PCDH15: variants seen among roughly 807,000 people sequenced by gnomAD.
PCDH15 encodes protocadherin-15.
PCDH15 carries 129 observed loss-of-function variants against 178.5 expected under a neutral mutation model. The ratio of observed to expected loss-of-function variants is 0.72; its 90% CI spans 0.63 to 0.84. The LOEUF (loss-of-function observed/expected upper bound fraction) is 0.84. PCDH15 is among the 40% of genes least tolerant of loss of function. The pLI, the probability that PCDH15 is intolerant of heterozygous loss-of-function variation, is 0.00. For missense variants in PCDH15, 2,230 were observed against 2,099.9 expected, an observed-to-expected ratio of 1.06 and a Z score of -1.21; for synonymous variants, 800 against 732.0, an observed-to-expected ratio of 1.09 and a Z score of -1.50.
chr10:53,887,733 C>T (rs368693784), intron 26 of PCDH15, among the ~76,000 whole-genome samples: 2 of 151,956 alleles, frequency 1.3e-5, no homozygotes, highest in Admixed American at 6.5e-5. Flanking sequence ...ACTAAAAATA[C>T]GAAAAATTAG....
intron 3 of PCDH15, among the ~76,000 whole-genome samples, chr10:54,459,593 A>G (rs992987113): frequency 6.6e-6 from 1 of 152,102 alleles, no homozygotes; most frequent in African/African-American, 2.4e-5. Flanking sequence ...ATTGACGTGA[A>G]GTCAGTGTTT....
intron 26 of PCDH15, among the ~76,000 whole-genome samples, chr10:53,881,483 T>C (rs1048682354): frequency 6.6e-6 from 1 of 152,210 alleles, no homozygotes; most frequent in Non-Finnish European, 1.5e-5. Flanking sequence ...GATAAAATTT[T>C]CTTAGCTTAG....
At chr10:54,016,213 A>G (rs2135230856) in intron 20 of PCDH15, among the ~76,000 whole-genome samples, 1 of 152,156 alleles carries the variant, frequency 6.6e-6, no homozygotes, top group African/African-American at 2.4e-5. Flanking sequence ...CAAAACCACA[A>G]TGAGATACCA....
intron 1 of PCDH15, among the ~76,000 whole-genome samples, chr10:55,278,061 G>GA (rs1351145164): frequency 1.3e-5 from 2 of 152,086 alleles, no homozygotes; most frequent in Non-Finnish European, 2.9e-5. Context: ...TGAATGGACA[G>GA]AAAAAGATAC....
chr10:55,240,315 T>G (rs1841507890), intron 1 of PCDH15, among the ~76,000 whole-genome samples: 1 of 152,232 alleles, frequency 6.6e-6, no homozygotes, highest in African/African-American at 2.4e-5. Flanking sequence ...TCATTGATTC[T>G]AAATAATTTT....
intron 2 of PCDH15, among the ~76,000 whole-genome samples, chr10:55,608,038 A>G (rs1232005703): frequency 6.6e-6 from 1 of 152,078 alleles, no homozygotes; most frequent in Non-Finnish European, 1.5e-5. Context: ...AAATGACAGA[A>G]CCTGAGTCTA....
intron 2 of PCDH15, among the ~76,000 whole-genome samples, chr10:55,606,591 T>A (rs938447924): frequency 7.5e-5 from 11 of 147,314 alleles, no homozygotes; most frequent in Admixed American, 1.4e-4. Flanking sequence ...GAAATAATGC[T>A]GCATATCTAC....
chr10:54,701,934 C>A (rs1281100209), intron 1 of PCDH15, among the ~76,000 whole-genome samples: 1 of 152,014 alleles, frequency 6.6e-6, no homozygotes, highest in East Asian at 1.9e-4. Flanking sequence ...GGAACCTGAA[C>A]TTGACACTTA....
intron 18 of PCDH15, among the ~76,000 whole-genome samples, chr10:54,024,994 G>A (rs1016677866): frequency 1.3e-5 from 2 of 151,904 alleles, no homozygotes; most frequent in Non-Finnish European, 2.9e-5. Flanking sequence ...TTCTGTCTAT[G>A]GAATATCTTA....
chr10:55,341,845 T>G (rs1844608293), intron 2 of PCDH15, among the ~76,000 whole-genome samples: 1 of 127,928 alleles, frequency 7.8e-6, no homozygotes, highest in Non-Finnish European at 1.6e-5. Context: ...AGAGATGGGG[T>G]TTCACCATGT....
At chr10:54,377,157 C>T (rs1181625562) in intron 4 of PCDH15, among the ~76,000 whole-genome samples, 1 of 151,966 alleles carries the variant, frequency 6.6e-6, no homozygotes, top group Non-Finnish European at 1.5e-5. Context: ...CATATCAACA[C>T]ACATAAATGC....
At chr10:54,816,096 T>C (rs568962252) in intron 3 of PCDH15, among the ~76,000 whole-genome samples, 1 of 152,218 alleles carries the variant, frequency 6.6e-6, no homozygotes, top group East Asian at 1.9e-4. Flanking sequence ...CAACCATACA[T>C]TGCAAATATT....
At position 54,948,063 on chromosome 10, in the gene PCDH15, T is replaced by C. The variant is rs150809668; in HGVS notation, c.-79-50563A>G. On this transcript the variant is annotated intron_variant, in intron 2 of 5. Transcript: ENST00000458638. ...AGCATATGCAAGTTGATTTCTATCT[T>C]CCTTCCCAGGAATTCTTACTAACTC... 2.6e-5 allele frequency among the ~76,000 whole-genome samples: 4 copies of C among 152,080 alleles called. No individual in the cohort carries two copies. In the East Asian group the frequency reaches 7.7e-4, roughly 29 times the overall value.
chr10:55,198,719 C>T (rs901831205), intron 1 of PCDH15, among the ~76,000 whole-genome samples: 4 of 151,672 alleles, frequency 2.6e-5, no homozygotes, highest in Non-Finnish European at 4.4e-5. Context: ...TCCTGACCTC[C>T]GCATCTGCCC....
intron 17 of PCDH15, among the ~76,000 whole-genome samples, chr10:54,078,275 A>G (rs1004480159): frequency 1.3e-5 from 2 of 152,108 alleles, no homozygotes; most frequent in Non-Finnish European, 2.9e-5. Context: ...AAATTTAATT[A>G]TTTCTATTTA....
At chr10:54,226,057 A>G (rs762479751) in intron 9 of PCDH15, among the ~76,000 whole-genome samples, 5 of 152,216 alleles carry the variant, frequency 3.3e-5, no homozygotes, top group Admixed American at 6.5e-5. Flanking sequence ...TGATTCTGTC[A>G]ATCAATTGGC....
At chr10:54,518,438 C>T (rs544508742) in intron 3 of PCDH15, among the ~76,000 whole-genome samples, 19 of 152,150 alleles carry the variant, frequency 1.2e-4, no homozygotes, top group Non-Finnish European at 1.6e-4. Flanking sequence ...AACACCTCTA[C>T]GCAAATAAAC....
intron 2 of PCDH15, among the ~76,000 whole-genome samples, chr10:55,001,374 C>T (rs545147014): frequency 2.6e-5 from 4 of 152,182 alleles, no homozygotes; most frequent in Non-Finnish European, 4.4e-5. Flanking sequence ...ACCCCCTGCT[C>T]TACACACACA....
chr10:54,088,332 T>C (rs1401847779), intron 16 of PCDH15, among the ~76,000 whole-genome samples: 1 of 152,218 alleles, frequency 6.6e-6, no homozygotes, highest in Non-Finnish European at 1.5e-5. Flanking sequence ...TATTTCCATG[T>C]GCTTGTTGGC....
Sources: gnomAD v4.1 joint callset for allele counts (sites outside exome capture counted in the v4.1 genomes callset) on GRCh38, gnomAD v4.1.1 for gene constraint, MANE v1.5 for transcripts, NCBI Gene and HGNC (gene_info 2026-07-23, HGNC 2026-07-21) for gene names.